ZCWPW2: variants seen among roughly 807,000 people sequenced by gnomAD.
The protein encoded by ZCWPW2 is zinc finger CW-type and PWWP domain containing 2.
ZCWPW2 carries 45 observed loss-of-function variants against 46.6 expected under a neutral mutation model. The ratio of observed to expected loss-of-function variants is 0.96; its 90% CI spans 0.76 to 1.24. The LOEUF (loss-of-function observed/expected upper bound fraction) is 1.24. Ranked by LOEUF, ZCWPW2 falls within the 50% of genes most tolerant of loss-of-function variation. ZCWPW2 has a pLI of 0.00. For missense variants in ZCWPW2, 429 were observed against 403.9 expected (o/e 1.06, Z -0.53); for synonymous variants, 152 against 137.1 (o/e 1.11, Z -0.76).
At chr3:28,468,096 T>G (rs921008911) in intron 4 of ZCWPW2, among the ~76,000 whole-genome samples, 22 of 152,038 alleles carry the variant, frequency 1.4e-4, no homozygotes, top group African/African-American at 4.8e-4. Context: ...TCGAATTCTA[T>G]CAGATTAATT....
chr3:28,424,329 G>T (rs965819122), intron 3 of ZCWPW2, among the ~76,000 whole-genome samples: 1 of 151,736 alleles, frequency 6.6e-6, no homozygotes, highest in Non-Finnish European at 1.5e-5. Flanking sequence ...GTTATGGACT[G>T]AATTCTGTTC....
intron 4 of ZCWPW2, among the ~76,000 whole-genome samples, chr3:28,470,732 C>T (rs1261474147): frequency 6.6e-6 from 1 of 151,670 alleles, no homozygotes; most frequent in East Asian, 1.9e-4. Context: ...TTTTCTTTTA[C>T]TCAAATTAGT....
At chr3:28,427,775 AGT>A (rs1697078122) in intron 3 of ZCWPW2, among the ~76,000 whole-genome samples, 1 of 152,224 alleles carries the variant, frequency 6.6e-6, no homozygotes, top group Admixed American at 6.5e-5. Context: ...TTATGACTTA[AGT>A]GTGAGAAATC....
intron 7 of ZCWPW2, among the ~76,000 whole-genome samples, 190 bp downstream of exon 7, chr3:28,514,312 C>G (rs1271840516): frequency 1.3e-5 from 2 of 151,916 alleles, no homozygotes; most frequent in African/African-American, 4.8e-5. Context: ...ATGCCTACCT[C>G]CTATATTATC....
intron 4 of ZCWPW2, among the ~76,000 whole-genome samples, chr3:28,457,482 CT>C (rs1310741455): frequency 2.0e-5 from 3 of 152,132 alleles, no homozygotes; most frequent in Non-Finnish European, 2.9e-5. Context: ...ATTTTTTAGG[CT>C]AATCCTGAGT....
intron 1 of ZCWPW2, among the ~76,000 whole-genome samples, chr3:28,366,732 T>A (rs1264332307): frequency 5.3e-5 from 8 of 152,222 alleles, no homozygotes; most frequent in African/African-American, 1.7e-4. Flanking sequence ...CAGCTCCTCC[T>A]TGTACCTCTG....
intron 1 of ZCWPW2, among the ~76,000 whole-genome samples, chr3:28,371,613 T>G (rs935698614): frequency 1.3e-5 from 2 of 152,108 alleles, no homozygotes; most frequent in Non-Finnish European, 2.9e-5. Flanking sequence ...GAGCTATGAT[T>G]GTGCCACTGC....
chr3:28,384,706 G>T (rs1695211435), intron 1 of ZCWPW2, among the ~76,000 whole-genome samples: 2 of 150,480 alleles, frequency 1.3e-5, no homozygotes, highest in South Asian at 4.2e-4. Flanking sequence ...TCCATCTCCT[G>T]GGTTCAAGCA....
chr3:28,360,815 A>C (rs895925653), intron 1 of ZCWPW2, among the ~76,000 whole-genome samples: 1 of 152,166 alleles, frequency 6.6e-6, no homozygotes, highest in Non-Finnish European at 1.5e-5. Flanking sequence ...AAAGAAAAAA[A>C]AGCAGGAAGA....
chr3:28,367,244 T>G (rs13069839), intron 1 of ZCWPW2, among the ~76,000 whole-genome samples: 1 of 151,802 alleles, frequency 6.6e-6, no homozygotes, highest in Non-Finnish European at 1.5e-5. Context: ...GTTAGGGTGT[T>G]AATTTTAGAT....
chr3:28,394,497 C>T (rs1005923454), intron 2 of ZCWPW2, among the ~76,000 whole-genome samples: 6 of 151,982 alleles, frequency 3.9e-5, no homozygotes, highest in African/African-American at 1.4e-4. Flanking sequence ...CAAAGCATCA[C>T]ACTTGCTGAT....
At chr3:28,502,689 A>G (rs1295203325) in intron 6 of ZCWPW2, among the ~76,000 whole-genome samples, 1 of 152,140 alleles carries the variant, frequency 6.6e-6, no homozygotes. Flanking sequence ...GCAACTAGCT[A>G]TAAGGGGAAG....
chr3:28,365,886 G>A (rs531444462), intron 1 of ZCWPW2, among the ~76,000 whole-genome samples: 1 of 140,916 alleles, frequency 7.1e-6, no homozygotes, highest in South Asian at 2.3e-4. Context: ...TGGATTCCTA[G>A]GTATTTTATT....
chr3:28,506,937 T>G (rs999706819), intron 6 of ZCWPW2, among the ~76,000 whole-genome samples: 2 of 152,162 alleles, frequency 1.3e-5, no homozygotes. Context: ...CCTCAAATAC[T>G]TTGAGGTAGA....
chr3:28,474,563 A>G (rs902843284), intron 4 of ZCWPW2, among the ~76,000 whole-genome samples: 4 of 149,446 alleles, frequency 2.7e-5, no homozygotes, highest in African/African-American at 5.0e-5. Context: ...TCTCTCATCC[A>G]TATTTCTTGC....
At chr3:28,385,207 T>G (rs1695229512) in intron 1 of ZCWPW2, among the ~76,000 whole-genome samples, 1 of 152,130 alleles carries the variant, frequency 6.6e-6, no homozygotes, top group Non-Finnish European at 1.5e-5. Context: ...GAAACAGTAT[T>G]TAATTTACTG....
At chr3:28,419,744 TA>T (rs377485826) in intron 3 of ZCWPW2, among the ~76,000 whole-genome samples, 3,463 of 22,672 alleles carry the variant, frequency 0.15, 417 homozygotes, top group Admixed American at 0.2. Context: ...TATGCAGCCA[TA>T]AAAAAATGAT....
intron 1 of ZCWPW2, among the ~76,000 whole-genome samples, chr3:28,367,742 G>A (rs922250393): frequency 2.4e-4 from 37 of 152,134 alleles, no homozygotes; most frequent in Non-Finnish European, 4.6e-4. Context: ...ATTGACAGTA[G>A]GGTGTTAAAG....
intron 4 of ZCWPW2, among the ~76,000 whole-genome samples, chr3:28,473,951 A>G (rs1310093916): frequency 6.6e-6 from 1 of 152,138 alleles, no homozygotes; most frequent in Admixed American, 6.5e-5. Flanking sequence ...AAGACCTAGT[A>G]TTTTCTAGCA....
Sources: gnomAD v4.1 joint callset for allele counts (sites outside exome capture counted in the v4.1 genomes callset) on GRCh38, gnomAD v4.1.1 for gene constraint, MANE v1.5 for transcripts, NCBI Gene and HGNC (gene_info 2026-07-23, HGNC 2026-07-21) for gene names.